Variants in CIITA observed in about 807,000 individuals in gnomAD.
The protein encoded by CIITA is class II major histocompatibility complex transactivator.
In CIITA, 72 loss-of-function variants were observed where a neutral mutation model predicts 115.1. The observed-to-expected ratio is 0.63, with a 90% CI of 0.52 to 0.76. CIITA has a LOEUF of 0.76. CIITA is among the 30% of genes least tolerant of loss of function. The pLI, the probability that CIITA is intolerant of heterozygous loss-of-function variation, is 0.00. For synonymous variants in CIITA, 763 were observed against 635.6 expected (o/e 1.20, Z -3.02); for missense variants, 1,617 against 1,463.8 (o/e 1.10, Z -1.71).
At chr16:10,881,536 T>C (rs905204480) in intron 1 of CIITA, among the ~76,000 whole-genome samples, 2 of 152,264 alleles carry the variant, frequency 1.3e-5, no homozygotes, top group Admixed American at 6.5e-5. Context: ...GATTTCTTTT[T>C]AACAAAGTGG....
In CIITA at chr16:10,901,979, C is replaced by T. The variant is rs866101603; in HGVS notation, c.482-59C>T. The T allele has an allele frequency of 6.8e-6, 11 of 1,607,108 alleles. No individual in the cohort carries two copies. The highest frequency in any genetic ancestry group is 5.3e-5 in the African/African-American group (4 of 74,878). ...ACATCCATGCCACTCCAGGGCCCTC[C>T]CCATCCCAGGAAGGCCCCTCCAAGC... On this transcript the variant is annotated intron_variant, in intron 6 of 19. Transcript: ENST00000324288. This position sits in a 1 kb window ranked among gnomAD's most constrained non-coding sequence, Gnocchi z 6.8.
At chr16:10,940,696 T>C (rs555674719), downstream of CIITA, 1 of 152,438 alleles carries the variant, frequency 6.6e-6, no homozygotes, top group East Asian at 1.9e-4. This position sits in a 1 kb window ranked among gnomAD's most constrained non-coding sequence, Gnocchi z 4.2. Context: ...TATGACCAAG[T>C]CTTACTCCTT....
rs2040957844 is a variant in CIITA at position 10,934,802 on chromosome 16, G to A, written c.*10947G>A. ...TTGAGGGAGTTCCCCGCCACTCCAA[G>A]CTTGGGGCCTGGGATGGCAGCTGTG... On this transcript the variant is annotated 3_prime_UTR_variant, in exon 20 of 20. Transcript: ENST00000324288. This position sits in a 1 kb window ranked among gnomAD's most constrained non-coding sequence, Gnocchi z 4.2. 2 of 152,250 alleles carry A rather than the reference G, an allele frequency of 1.3e-5. No homozygotes were observed. The highest frequency in any genetic ancestry group is 4.8e-5 in the African/African-American group (2 of 41,456). 9.4% of individuals were successfully genotyped at this position (152,250 alleles called of 1,614,324 possible).
In CIITA at chr16:10,923,919, G is replaced by A. The variant is rs2040413121; in HGVS notation, c.*64G>A. 6.5e-6 allele frequency: 1 copy of A among 154,444 alleles called. No individual in the cohort carries two copies. Among genetic ancestry groups the A allele is most frequent in the Non-Finnish European group, 1.4e-5 (1 of 69,280 alleles). The allele number at this position is 154,444 out of a possible 1,614,324, so 9.6% of individuals were successfully genotyped here. A position where few individuals can be genotyped will look rare whatever the true frequency, so the allele number is the denominator to read the frequency against. On this transcript the variant is annotated 3_prime_UTR_variant, in exon 20 of 20. Transcript: ENST00000324288. The surrounding 1 kb of genome is among the most constrained non-coding windows in gnomAD (Gnocchi z 5.2). ...ACTAACCACGCTGGACCTTGAACTG[G>A]GTACTTGTGGACACAGCTCTTCTCC...
rs189702434 is a variant in CIITA at position 10,920,647 on chromosome 16, G to C, written c.3150-1520G>C. On this transcript the variant is annotated intron_variant, in intron 16 of 19. Transcript: ENST00000324288. This position sits in a 1 kb window ranked among gnomAD's most constrained non-coding sequence, Gnocchi z 4.5. ...AAAATGCAAACTGTGACACGCTATT[G>C]GTTATAAGACACATCCTGATCTCAA... 1.9e-3 allele frequency among the ~76,000 whole-genome samples: 292 copies of C among 152,256 alleles called. No homozygotes were observed. Among genetic ancestry groups the C allele is most frequent in the African/African-American group, 5.0e-3 (207 of 41,540 alleles).
chr16:10,906,355 G>A (rs2039149496), intron 10 of CIITA, 144 bp from the exon 11 acceptor site: 2 of 1,059,904 alleles, frequency 1.9e-6, no homozygotes, highest in South Asian at 1.4e-5. Context: ...GCCAGACCCT[G>A]TCTCAAAACA....
chr16:10,871,662 T>C (rs988631973), intron 1 of CIITA, among the ~76,000 whole-genome samples: 1 of 152,162 alleles, frequency 6.6e-6, no homozygotes, highest in Admixed American at 6.5e-5. Context: ...ACCAGAGCTG[T>C]GACACACCAG....
At chr16:10,903,588 T>C in intron 8 of CIITA, 143 bp from the exon 9 acceptor site, 1 of 902,158 alleles carries the variant, frequency 1.1e-6, no homozygotes, top group Admixed American at 2.0e-5. Context: ...AGCTCTGTCC[T>C]GAAATATCTT....
downstream of CIITA, chr16:10,937,887 G>C (rs1283564941): frequency 1.3e-5 from 2 of 152,214 alleles, no homozygotes; most frequent in Non-Finnish European, 2.9e-5. The surrounding 1 kb of genome is among the most constrained non-coding windows in gnomAD (Gnocchi z 4.2). Context: ...CAGCAAGAAA[G>C]TTCTCCTAAG....
rs757587689 is a variant in CIITA at position 10,916,423 on chromosome 16, C to A, written c.3026C>A (p.Ala1009Asp). Residue 1009 changes from alanine (A) to aspartate (D), a missense_variant, in exon 15 of 20, where the codon GCC becomes GAC. Coordinates refer to ENST00000324288, the MANE Select transcript of CIITA (RefSeq NM_000246.4). ...GACGAGGGTGTCTCGCAGCTCTCAG[C>A]CACCTTCCCCCAGCTGAAGTCCTTG... ...IGDEGVSQLSATFPQLKSLET... is the reference protein window; with the variant it reads ...IGDEGVSQLSDTFPQLKSLET... 3 of 1,613,236 alleles carry A rather than the reference C, an allele frequency of 1.9e-6. No individual in the cohort carries two copies. In the South Asian group the frequency reaches 3.3e-5, roughly 18 times the overall value.
chr16:10,909,376 GA>G (rs1186811231), intron 12 of CIITA, among the ~76,000 whole-genome samples, 189 bp downstream of exon 12: 1 of 152,220 alleles, frequency 6.6e-6, no homozygotes, highest in Non-Finnish European at 1.5e-5. Context: ...CTCTAGAATT[GA>G]AAACTTTGCT....
intron 1 of CIITA, 72 bp from the exon 2 acceptor site, chr16:10,895,210 T>C: frequency 6.4e-7 from 1 of 1,568,720 alleles, no homozygotes; most frequent in South Asian, 1.1e-5. Context: ...CAGCTGGGAG[T>C]TGTTGTAGGT....
At chr16:10,902,309 A>C (rs1596533267) in intron 7 of CIITA, 125 bp downstream of exon 7, 1 of 1,366,534 alleles carries the variant, frequency 7.3e-7, no homozygotes, top group South Asian at 1.3e-5. Flanking sequence ...AGTGTCACTC[A>C]CCTCTGCCCC....
upstream of CIITA, among the ~76,000 whole-genome samples, chr16:10,874,772 A>G (rs2035715393): frequency 6.6e-6 from 1 of 152,128 alleles, no homozygotes. Flanking sequence ...GAGAGATGGT[A>G]GTCCTGGCTG....
At chr16:10,905,353 G>A (rs1240310065) in intron 10 of CIITA, among the ~76,000 whole-genome samples, 1 of 152,186 alleles carries the variant, frequency 6.6e-6, no homozygotes, top group Non-Finnish European at 1.5e-5. Flanking sequence ...ACCGGGATTT[G>A]AACCCAGACA....
At chr16:10,900,457 C>T (rs1361815470) in intron 5 of CIITA, among the ~76,000 whole-genome samples, 5 of 152,000 alleles carry the variant, frequency 3.3e-5, no homozygotes, top group South Asian at 2.1e-4. Context: ...TGAAAGTTTT[C>T]GGCCAGGCGT....
At chr16:10,918,621 C>T in intron 16 of CIITA, 95 bp downstream of exon 16, 1 of 1,057,942 alleles carries the variant, frequency 9.5e-7, no homozygotes, top group South Asian at 1.3e-5. Context: ...ACACTGAGAC[C>T]CTAGAAGCAA....
rs570138146 is a variant in CIITA at position 10,871,263 on chromosome 16, G to A, written c.-21+4944G>A. 3.3e-5 allele frequency among the ~76,000 whole-genome samples: 5 copies of A among 152,328 alleles called. No homozygotes were observed. The South Asian group carries it at 1.0e-3, about 32-fold the overall frequency. On this transcript the variant is annotated intron_variant, in intron 1 of 5. Coordinates refer to the CIITA transcript ENST00000636238. ...AAGCTGGTTCTGACTCAGCCTTGAG[G>A]CTGGCGTCTGAGGCAACCACAAGCC...
chr16:10,875,580 C>T (rs949972342), upstream of CIITA, among the ~76,000 whole-genome samples: 1 of 152,152 alleles, frequency 6.6e-6, no homozygotes, highest in Non-Finnish European at 1.5e-5. Context: ...ATTTCAGTAC[C>T]ACCTTCATCA....
Sources: allele counts gnomAD v4.1 joint callset (sites outside exome capture counted in the v4.1 genomes callset), GRCh38; gene constraint gnomAD v4.1.1; non-coding constraint Gnocchi (gnomAD v3.1); transcripts MANE v1.5; gene names NCBI Gene and HGNC (gene_info 2026-07-23, HGNC 2026-07-21).